The following TAF2 variants were observed in gnomAD, a reference collection of about 807,000 sequenced individuals.
The protein encoded by TAF2 is transcription initiation factor TFIID subunit 2.
Under a neutral mutation model 138.5 loss-of-function variants are expected in TAF2, and 61 were observed. The observed-to-expected ratio is 0.44, with a 90% CI of 0.36 to 0.54. The LOEUF (loss-of-function observed/expected upper bound fraction) is 0.54. Among genes scored for constraint, TAF2 ranks in the 20% least tolerant of loss-of-function variants. The probability of loss-of-function intolerance (pLI) is 0.00; values close to 1 mark genes in which losing one functional copy is unlikely to be tolerated. For synonymous variants in TAF2, 475 were observed against 469.9 expected (o/e 1.01, Z -0.14); for missense variants, 1,090 against 1,427.9 (o/e 0.76, Z 3.81).
intron 18 of TAF2, among the ~76,000 whole-genome samples, chr8:119,777,599 A>G (rs1822344329): frequency 6.6e-6 from 1 of 152,242 alleles, no homozygotes; most frequent in Admixed American, 6.5e-5. Flanking sequence ...CACAATGGTA[A>G]AGAAAAGAAA....
At chr8:119,788,023 G>T (rs1371132020) in intron 14 of TAF2, among the ~76,000 whole-genome samples, 1 of 152,126 alleles carries the variant, frequency 6.6e-6, no homozygotes, top group Non-Finnish European at 1.5e-5. Flanking sequence ...TCACTCATAA[G>T]TGGGAGTTGA....
At chr8:119,755,980 A>C in intron 22 of TAF2, 26 bp downstream of exon 22, 1 of 1,523,822 alleles carries the variant, frequency 6.6e-7, no homozygotes, top group Non-Finnish European at 9.1e-7. Context: ...TAATAATAAA[A>C]ACAATTTAAA....
intron 15 of TAF2, among the ~76,000 whole-genome samples, chr8:119,784,731 G>A (rs939615438): frequency 6.6e-6 from 1 of 152,164 alleles, no homozygotes; most frequent in African/African-American, 2.4e-5. Flanking sequence ...AAATTGTTTT[G>A]CAAGCATAGG....
At chr8:119,774,087 C>T (rs958939721) in intron 18 of TAF2, among the ~76,000 whole-genome samples, 4 of 151,562 alleles carry the variant, frequency 2.6e-5, no homozygotes, top group African/African-American at 4.8e-5. Context: ...AGAAGAATGG[C>T]GTGAACCTGG....
chr8:119,784,438 G>A (rs1822882630), intron 15 of TAF2, among the ~76,000 whole-genome samples: 1 of 152,104 alleles, frequency 6.6e-6, no homozygotes, highest in African/African-American at 2.4e-5. Flanking sequence ...AGCCAGGCAT[G>A]CAGTGAGCCG....
Position 119,830,719 on chromosome 8 carries a change from A to C in TAF2, c.138+958T>G, listed in dbSNP as rs148468598. Among the ~76,000 whole-genome samples the C allele has an allele frequency of 1.6e-3, 248 of 152,370 alleles. 1 individual carries two copies. Among genetic ancestry groups the C allele is most frequent in the African/African-American group, 5.6e-3 (234 of 41,594 alleles). On this transcript the variant is annotated intron_variant, in intron 2 of 25. Coordinates refer to ENST00000378164, the MANE Select transcript of TAF2 (RefSeq NM_003184.4). ...CATACATGGGTAACAAATCTGACAG[A>C]GAAGTTGATACCATCACTCAAGGAA... is the stretch of plus-strand genomic sequence containing the variant.
At chr8:119,770,314 C>T (rs1447964649) in intron 18 of TAF2, among the ~76,000 whole-genome samples, 1 of 151,862 alleles carries the variant, frequency 6.6e-6, no homozygotes, top group East Asian at 1.9e-4. Context: ...GCCAGACCAC[C>T]CAAGGCCAAC....
Position 119,806,358 on chromosome 8 carries a change from T to C in TAF2, c.343A>G (p.Ser115Gly). The C allele has an allele frequency of 6.2e-7, 1 of 1,614,074 alleles. No homozygotes were observed. Among genetic ancestry groups the C allele is most frequent in the Non-Finnish European group, 8.5e-7 (1 of 1,179,992 alleles). ...YFSNAYAAAV[S>G]AVDPDAGNGE... ...TTTCCTGCATCAGGGTCCACAGCACTAACTGCAGCTGCATAAGCATTGGAA... is the reference window on the plus strand; with the variant it reads ...TTTCCTGCATCAGGGTCCACAGCACCAACTGCAGCTGCATAAGCATTGGAA... The change falls in exon 4 of 26, where the codon AGT becomes GGT. Residue 115 changes from serine (S) to glycine (G), a missense_variant. Ser to Gly is a moderately conservative substitution (Grantham distance 56). Coordinates refer to ENST00000378164, the MANE Select transcript of TAF2 (RefSeq NM_003184.4).
At chr8:119,814,156 A>G (rs1201294989) in intron 3 of TAF2, among the ~76,000 whole-genome samples, 1 of 151,916 alleles carries the variant, frequency 6.6e-6, no homozygotes, top group African/African-American at 2.4e-5. Flanking sequence ...TAAGAAAAAC[A>G]TATTATGAGC....
intron 18 of TAF2, among the ~76,000 whole-genome samples, chr8:119,764,743 T>C (rs1439704686): frequency 3.3e-5 from 5 of 152,118 alleles, no homozygotes; most frequent in Non-Finnish European, 5.9e-5. Context: ...AATTAAATTA[T>C]ATAAATACTC....
intron 2 of TAF2, among the ~76,000 whole-genome samples, chr8:119,821,795 G>C (rs1305859488): frequency 6.6e-6 from 1 of 152,164 alleles, no homozygotes; most frequent in Non-Finnish European, 1.5e-5. Context: ...CTAGCACTTT[G>C]GGAGGCTGAG....
Position 119,746,881 on chromosome 8 carries a change from G to A in TAF2, c.2932C>T (p.Leu978Phe). ...RCGAVDLYFT[L>F]FGLSRPSCLP... ...CAGGAAGGTCTACTGAGGCCAAAAA[G>A]TGTGAAGTACAAGTCCACAGCACCA... is the stretch of plus-strand genomic sequence containing the variant. Residue 978 changes from leucine (L) to phenylalanine (F), a missense_variant, in exon 23 of 26, where the codon CTT (leucine) becomes TTT (phenylalanine). By Grantham distance (22) the Leu-to-Phe change is conservative (BLOSUM62 0). Coordinates refer to ENST00000378164, the MANE Select transcript of TAF2 (RefSeq NM_003184.4). 1 of 1,614,088 alleles carries A rather than the reference G, an allele frequency of 6.2e-7. No individual in the cohort carries two copies. The highest frequency in any genetic ancestry group is 1.1e-5 in the South Asian group (1 of 91,078).
intron 2 of TAF2, among the ~76,000 whole-genome samples, chr8:119,830,633 T>C (rs1449079912): frequency 6.6e-6 from 1 of 152,170 alleles, no homozygotes; most frequent in Non-Finnish European, 1.5e-5. Flanking sequence ...AATCTAAGAT[T>C]CTATGACTCA....
intron 4 of TAF2, 127 bp from the exon 5 acceptor site, chr8:119,804,146 C>CTT: frequency 9.0e-7 from 1 of 1,110,632 alleles, no homozygotes; most frequent in Middle Eastern, 2.3e-4. Flanking sequence ...AACCACACTA[C>CTT]TTACCCTAGT....
intron 11 of TAF2, among the ~76,000 whole-genome samples, chr8:119,790,085 A>T (rs1023457554): frequency 5.9e-5 from 9 of 152,152 alleles, no homozygotes; most frequent in African/African-American, 2.2e-4. Flanking sequence ...CAGGATTTAT[A>T]CCACTCCAAA....
At chr8:119,832,415 G>A (rs1238310963) in intron 1 of TAF2, 67 bp downstream of exon 1, 2 of 1,492,888 alleles carry the variant, frequency 1.3e-6, no homozygotes, top group African/African-American at 1.4e-5. Flanking sequence ...TCAATTTCAA[G>A]CAATCGCAAA....
rs919469345 is a variant in TAF2 at position 119,774,986 on chromosome 8, A to T, written c.2364+3033T>A. ...AAAAAAAAGGACTTTATTAAATATT[A>T]AAAAAAATTGGAGGCCAGGCGTGGT... On this transcript the variant is annotated intron_variant, in intron 18 of 25. Transcript: ENST00000378164. 5.3e-5 allele frequency among the ~76,000 whole-genome samples: 8 copies of T among 151,934 alleles called. 1 individual carries two copies. Among genetic ancestry groups the T allele is most frequent in the Non-Finnish European group, 1.0e-4 (7 of 67,970 alleles).
rs201645776 is a variant in TAF2 at position 119,780,334 on chromosome 8, C to CA, written c.2253+718dup. ...CACTTTACATACTTGATCTTAATTC[C>CA]AAAAAAGATAAATTTTAAACTGAGG... On this transcript the variant is annotated intron_variant, in intron 17 of 25. Transcript: ENST00000378164. 9.0e-3 allele frequency among the ~76,000 whole-genome samples: 1,369 copies of CA among 152,030 alleles called. 20 individuals are homozygous for CA. Among genetic ancestry groups the CA allele is most frequent in the African/African-American group, 0.031 (1,305 of 41,458 alleles).
intron 2 of TAF2, among the ~76,000 whole-genome samples, chr8:119,820,005 T>C (rs1825719602): frequency 6.6e-6 from 1 of 152,158 alleles, no homozygotes; most frequent in Non-Finnish European, 1.5e-5. Flanking sequence ...CCAAGGCAAG[T>C]AGGAAAAATC....
Sources: gnomAD v4.1 joint callset for allele counts (sites outside exome capture counted in the v4.1 genomes callset) on GRCh38, gnomAD v4.1.1 for gene constraint, MANE v1.5 for transcripts, NCBI Gene and HGNC (gene_info 2026-07-23, HGNC 2026-07-21) for gene names.